LACTBL1: variants seen among roughly 807,000 people sequenced by gnomAD.
The protein encoded by LACTBL1 is beta-lactamase-like protein 1.
In LACTBL1, 29 loss-of-function variants were observed where a neutral mutation model predicts 39.6. The ratio of observed to expected loss-of-function variants is 0.73; its 90% CI spans 0.55 to 1.00. The LOEUF is 1.00. Among genes scored for constraint, LACTBL1 ranks in the 50% least tolerant of loss-of-function variants. The probability of loss-of-function intolerance (pLI) is 0.00; values close to 1 mark genes in which losing one functional copy is unlikely to be tolerated. For synonymous variants in LACTBL1, 361 were observed against 360.7 expected (o/e 1.00, Z -0.01); for missense variants, 711 against 748.5 (o/e 0.95, Z 0.59).
chr1:22,967,587 T>C (rs573746396), upstream of LACTBL1, among the ~76,000 whole-genome samples: 14 of 144,802 alleles, frequency 9.7e-5, no homozygotes, highest in African/African-American at 3.2e-4. Flanking sequence ...CACACACACA[T>C]ACATAGATAT....
chr1:22,972,209 A>T, the LACTBL1 span: 4 of 598,196 alleles, frequency 6.7e-6, no homozygotes, highest in Non-Finnish European at 6.3e-6. Flanking sequence ...CGTGGGGGGG[A>T]TTTAGCCCAA....
chr1:22,967,660 GAGAC>G (rs1474856255), upstream of LACTBL1, among the ~76,000 whole-genome samples: 4 of 151,450 alleles, frequency 2.6e-5, no homozygotes, highest in African/African-American at 4.9e-5. Context: ...GAGAGAGAGA[GAGAC>G]AGACAGACAG....
exon 3 of LACTBL1, chr1:22,959,957 T>C (rs1640802896): frequency 3.2e-6 from 5 of 1,551,152 alleles, no homozygotes; most frequent in Non-Finnish European, 4.4e-6. Context: ...CATGGTGTAC[T>C]CATTGGGGGC....
At chr1:22,970,809 C>CAAAAAAA in the LACTBL1 span, among the ~76,000 whole-genome samples, 1 of 80,200 alleles carries the variant, frequency 1.2e-5, no homozygotes, top group Non-Finnish European at 2.6e-5. Flanking sequence ...GACCCTGTCT[C>CAAAAAAA]AAAAAAAAAA....
upstream of LACTBL1, among the ~76,000 whole-genome samples, chr1:22,969,237 CT>C (rs1349526436): frequency 6.6e-6 from 1 of 152,120 alleles, no homozygotes; most frequent in African/African-American, 2.4e-5. Flanking sequence ...GGTTTTTGTA[CT>C]TTTACACACA....
At chr1:22,954,024 T>A (rs1165299227) in exon 6 of LACTBL1, 1 of 1,525,884 alleles carries the variant, frequency 6.6e-7, no homozygotes, top group Admixed American at 2.1e-5. Context: ...TGTAATGGCA[T>A]CTGGAAGGAG....
At chr1:22,968,420 A>T (rs1290862825), upstream of LACTBL1, among the ~76,000 whole-genome samples, 1 of 151,974 alleles carries the variant, frequency 6.6e-6, no homozygotes, top group Non-Finnish European at 1.5e-5. Context: ...CCCACCTTTG[A>T]TTCTCATTGC....
chr1:22,958,755 C>T (rs948324207), exon 4 of LACTBL1: 30 of 1,550,540 alleles, frequency 1.9e-5, no homozygotes, highest in Non-Finnish European at 2.3e-5. Context: ...CCTGCTCCAG[C>T]CCGTCCATCA....
Position 22,960,260 on chromosome 1 carries a change from CATAAG to C in LACTBL1, c.160-166_160-162del, listed in dbSNP as rs1640806326. Reference sequence around the variant, plus strand: ...TGGGGCCCCCACTGTTGGGCTTCTTCATAAGATGTTTTCTCAAAGAAACAGTTTCT... The same window carrying C: ...TGGGGCCCCCACTGTTGGGCTTCTTCATGTTTTCTCAAAGAAACAGTTTCT... On this transcript the variant is annotated intron_variant, in intron 2 of 5. Coordinates refer to ENST00000426928, the Ensembl canonical transcript of LACTBL1. Among the ~76,000 whole-genome samples, 5 of 152,304 alleles carry C rather than the reference CATAAG, an allele frequency of 3.3e-5. No individual in the cohort carries two copies. In the South Asian group the frequency reaches 1.0e-3, roughly 32 times the overall value.
intron 1 of LACTBL1, 106 bp downstream of exon 3, chr1:22,965,183 TA>T (rs2124238919): frequency 9.7e-7 from 1 of 1,027,588 alleles, no homozygotes; most frequent in South Asian, 4.6e-5. Flanking sequence ...CTTCTGAGTC[TA>T]AATCTTATGG....
exon 5 of LACTBL1, chr1:22,955,378 G>A (rs979355797): frequency 4.5e-6 from 7 of 1,550,504 alleles, no homozygotes; most frequent in Middle Eastern, 1.7e-4. Context: ...GGCCTCCTGG[G>A]TGCTGCCCTT....
chr1:22,960,162 C>A, intron 2 of LACTBL1, 63 bp from the exon 5 acceptor site: 1 of 1,530,668 alleles, frequency 6.5e-7, no homozygotes, highest in Non-Finnish European at 8.8e-7. Flanking sequence ...TAATCATCTG[C>A]AAAGCCACCC....
chr1:22,966,353 C>G (rs1640875794), upstream of LACTBL1, among the ~76,000 whole-genome samples: 1 of 152,168 alleles, frequency 6.6e-6, no homozygotes, highest in Non-Finnish European at 1.5e-5. Context: ...AAATACATTG[C>G]ATTAACTCCT....
At chr1:22,955,500 C>A in intron 4 of LACTBL1, 74 bp from the exon 7 acceptor site, 1 of 904,606 alleles carries the variant, frequency 1.1e-6, no homozygotes, top group Non-Finnish European at 1.7e-6. Context: ...TGCACTCCCT[C>A]CCCACCTTCC....
chr1:22,956,108 C>CA (rs1328825393), intron 4 of LACTBL1, among the ~76,000 whole-genome samples: 1 of 150,262 alleles, frequency 6.7e-6, no homozygotes, highest in Non-Finnish European at 1.5e-5. Context: ...TGTGGTGGCT[C>CA]ACACCTGTAA....
At chr1:22,967,567 T>TACAC (rs149065665), upstream of LACTBL1, among the ~76,000 whole-genome samples, 4,357 of 148,484 alleles carry the variant, frequency 0.029, 161 homozygotes, top group African/African-American at 0.078. Context: ...TCCATATATA[T>TACAC]ACACACACAC....
intron 2 of LACTBL1, 120 bp from the exon 5 acceptor site, chr1:22,960,219 G>A (rs1442047263): frequency 8.1e-7 from 1 of 1,231,570 alleles, no homozygotes; most frequent in Non-Finnish European, 1.1e-6. Context: ...GAGCCTCCCA[G>A]CTATGCCCCA....
At position 22,957,890 on chromosome 1, in the gene LACTBL1, G is replaced by C. The variant is rs1470244921; in HGVS notation, c.553+795C>G. Among the ~76,000 whole-genome samples, 7 of 151,962 alleles carry C rather than the reference G, an allele frequency of 4.6e-5. No individual in the cohort carries two copies. In the East Asian group the frequency reaches 1.4e-3, roughly 29 times the overall value. The stretch of plus-strand genomic sequence containing the variant: ...TGGTCTGGAATTCCTGAGCTCAGGT[G>C]GTCCGCCCGCCTCAACCTTCCAAAG... On this transcript the variant is annotated intron_variant, in intron 4 of 5. Coordinates refer to ENST00000426928, the Ensembl canonical transcript of LACTBL1.
chr1:22,953,253 G>T, exon 6 of LACTBL1: 3 of 1,231,796 alleles, frequency 2.4e-6, no homozygotes, highest in Non-Finnish European at 3.0e-6. Context: ...AGACGCGGCC[G>T]TGCAGGTGGC....
Sources: gnomAD v4.1 joint callset for allele counts (sites outside exome capture counted in the v4.1 genomes callset) on GRCh38, gnomAD v4.1.1 for gene constraint, MANE v1.5 for transcripts, NCBI Gene and HGNC (gene_info 2026-07-23, HGNC 2026-07-21) for gene names.